DMD: variants seen among roughly 807,000 people sequenced by gnomAD.
The protein encoded by DMD is dystrophin.
DMD carries 63 observed loss-of-function variants against 330.1 expected under a neutral mutation model. The ratio of observed to expected loss-of-function variants is 0.19; its 90% CI spans 0.16 to 0.24. DMD has a LOEUF of 0.24. DMD is among the 10% of genes least tolerant of loss of function. DMD has a pLI of 1.00. For synonymous variants in DMD, 1,223 were observed against 959.8 expected, an observed-to-expected ratio of 1.27 and a Z score of -5.07; for missense variants, 3,344 against 2,684.1, an observed-to-expected ratio of 1.25 and a Z score of -5.43.
chrX:31,830,052 C>G (rs2092986734), intron 49 of DMD, among the ~76,000 whole-genome samples: 1 of 112,146 alleles, frequency 8.9e-6, no homozygotes, highest in Non-Finnish European at 1.9e-5. Context: ...TTATTCGGAA[C>G]CACAATGTTG....
chrX:31,133,491 C>A (rs955294830), intron 77 of DMD, among the ~76,000 whole-genome samples: 3 of 111,732 alleles, frequency 2.7e-5, no homozygotes, highest in African/African-American at 9.8e-5. Context: ...GGGTAAAATA[C>A]GCAAGGCCAA....
intron 9 of DMD, among the ~76,000 whole-genome samples, chrX:32,683,246 G>A (rs1489349466): frequency 1.8e-5 from 2 of 110,261 alleles, no homozygotes; most frequent in East Asian, 5.7e-4. Context: ...GATTCCTCAG[G>A]GATCTAGAAC....
chrX:33,121,398 T>G (rs1285018212), intron 1 of DMD, among the ~76,000 whole-genome samples: 2 of 109,546 alleles, frequency 1.8e-5, no homozygotes, highest in Non-Finnish European at 3.8e-5. Context: ...GTCTGGTTAA[T>G]TTTTTTGTAT....
intron 7 of DMD, among the ~76,000 whole-genome samples, chrX:32,725,313 A>T (rs1371792778): frequency 9.0e-6 from 1 of 111,101 alleles, no homozygotes; most frequent in African/African-American, 3.3e-5. Context: ...AATTTTATCT[A>T]TAATATTGTA....
intron 2 of DMD, among the ~76,000 whole-genome samples, chrX:32,923,129 G>C (rs773755038): frequency 1.8e-5 from 2 of 111,846 alleles, no homozygotes; most frequent in African/African-American, 6.5e-5. Flanking sequence ...AAAGAGAACT[G>C]TACTTTGATG....
At chrX:33,073,864 T>TAAAC (rs1491331908) in intron 1 of DMD, among the ~76,000 whole-genome samples, 1 of 108,675 alleles carries the variant, frequency 9.2e-6, no homozygotes, top group Non-Finnish European at 1.9e-5. Context: ...AATAAATAAA[T>TAAAC]AAATAAATAA....
chrX:32,295,807 T>C (rs2097493158), intron 42 of DMD, among the ~76,000 whole-genome samples: 1 of 112,036 alleles, frequency 8.9e-6, no homozygotes, highest in Non-Finnish European at 1.9e-5. Context: ...TTAGTTTTTC[T>C]TCCATTTAAT....
At chrX:31,791,376 C>G (rs1298337443) in intron 50 of DMD, among the ~76,000 whole-genome samples, 3 of 111,896 alleles carry the variant, frequency 2.7e-5, no homozygotes, top group Non-Finnish European at 5.7e-5. Context: ...AGAGGGTGCA[C>G]AGTCAGAACT....
chrX:33,331,628 T>C (rs1227133671), intron 1 of DMD, among the ~76,000 whole-genome samples: 1 of 111,604 alleles, frequency 9.0e-6, no homozygotes, highest in Non-Finnish European at 1.9e-5. Context: ...ATATTTCTTC[T>C]GGAAATTTGA....
chrX:32,719,522 T>A (rs2066052532), intron 7 of DMD, among the ~76,000 whole-genome samples: 1 of 111,525 alleles, frequency 9.0e-6, no homozygotes, highest in African/African-American at 3.3e-5. Flanking sequence ...AAGAGAAACC[T>A]TAGTATTGCA....
intron 76 of DMD, among the ~76,000 whole-genome samples, 196 bp downstream of exon 76, chrX:31,146,095 T>C (rs1211654063): frequency 8.9e-6 from 1 of 112,991 alleles, no homozygotes; most frequent in Non-Finnish European, 1.9e-5. Context: ...ATACAAGTTT[T>C]CTGTGGGCCA....
intron 1 of DMD, among the ~76,000 whole-genome samples, chrX:33,336,571 G>C (rs1240025692): frequency 2.7e-5 from 3 of 110,827 alleles, no homozygotes; most frequent in African/African-American, 6.5e-5. Flanking sequence ...ACCTAAAAGA[G>C]ATAAATAATT....
chrX:33,098,221 G>A (rs1357270757), intron 1 of DMD, among the ~76,000 whole-genome samples: 2 of 111,512 alleles, frequency 1.8e-5, no homozygotes, highest in African/African-American at 3.3e-5. Flanking sequence ...AAGAGAAAAC[G>A]AAGCCTCAAC....
At chrX:31,517,105 T>C (rs776439270) in intron 55 of DMD, among the ~76,000 whole-genome samples, 1 of 111,694 alleles carries the variant, frequency 9.0e-6, no homozygotes, top group Admixed American at 9.6e-5. Context: ...TCTCATCCAG[T>C]CACAATGCAA....
chrX:32,887,745 CAAAAAAAAAAAAAA>C (rs771100080), intron 2 of DMD, among the ~76,000 whole-genome samples: 13 of 6,493 alleles, frequency 2.0e-3, no homozygotes, highest in South Asian at 0.017. Flanking sequence ...AAGACTGTCT[CAAAAAAAAAAAAAA>C]AAAAAAAAAA....
intron 26 of DMD, among the ~76,000 whole-genome samples, chrX:32,451,878 T>A (rs1411318163): frequency 9.0e-6 from 1 of 110,830 alleles, no homozygotes; most frequent in Non-Finnish European, 1.9e-5. Context: ...GCCAGAGGCT[T>A]CCAGAGTTTA....
chrX:31,858,317 G>T (rs1210727016), intron 48 of DMD, among the ~76,000 whole-genome samples: 1 of 111,260 alleles, frequency 9.0e-6, no homozygotes, highest in East Asian at 2.8e-4. Context: ...GTTACTTTAT[G>T]ATATATTTTC....
intron 29 of DMD, 160 bp from the exon 30 acceptor site, chrX:32,412,073 GA>G (rs754244807): frequency 1.6e-5 from 19 of 1,175,436 alleles, no homozygotes; most frequent in African/African-American, 7.1e-5. Context: ...TCTGTTGATA[GA>G]AAAAAAATGT....
intron 16 of DMD, among the ~76,000 whole-genome samples, chrX:32,563,135 T>C (rs532481772): frequency 9.1e-6 from 1 of 109,665 alleles, no homozygotes; most frequent in South Asian, 3.9e-4. Context: ...GGTCAGGAGA[T>C]CGAGACCACC....
Sources: gnomAD v4.1 joint callset for allele counts (sites outside exome capture counted in the v4.1 genomes callset) on GRCh38, gnomAD v4.1.1 for gene constraint, MANE v1.5 for transcripts, NCBI Gene and HGNC (gene_info 2026-07-23, HGNC 2026-07-21) for gene names.